Variants in SRRM3 observed in about 807,000 individuals in gnomAD.
SRRM3 encodes the protein serine/arginine repetitive matrix 3, also known as serine/arginine repetitive matrix protein 3.
In SRRM3, 27 loss-of-function variants were observed where a neutral mutation model predicts 66.2. The ratio of observed to expected loss-of-function variants is 0.41; its 90% CI spans 0.30 to 0.56. The LOEUF (loss-of-function observed/expected upper bound fraction) is 0.56, where lower values mean the gene tolerates loss of function less well. SRRM3 is among the 20% of genes least tolerant of loss of function. SRRM3 has a pLI of 0.32. For synonymous variants in SRRM3, 391 were observed against 414.9 expected (o/e 0.94, Z 0.70); for missense variants, 918 against 991.9 (o/e 0.93, Z 1.00).
chr7:76,225,642 G>A (rs1283783651), intron 1 of SRRM3, among the ~76,000 whole-genome samples: 1 of 152,148 alleles, frequency 6.6e-6, no homozygotes, highest in African/African-American at 2.4e-5. Context: ...AGTGCTCTGG[G>A]AAGCCAAGGC....
chr7:76,282,163 G>A (rs888908269), intron 12 of SRRM3, among the ~76,000 whole-genome samples: 1 of 149,364 alleles, frequency 6.7e-6, no homozygotes, highest in Non-Finnish European at 1.5e-5. Flanking sequence ...ACTCTCTCTA[G>A]GGAGTTACCC....
intron 11 of SRRM3, among the ~76,000 whole-genome samples, chr7:76,276,158 G>C (rs1419896718): frequency 1.3e-5 from 2 of 152,034 alleles, no homozygotes; most frequent in Admixed American, 6.6e-5. Context: ...GAGAGGAGGG[G>C]CTCCTGGGAA....
intron 1 of SRRM3, among the ~76,000 whole-genome samples, chr7:76,212,331 A>AT (rs1364988008): frequency 2.2e-5 from 3 of 139,002 alleles, no homozygotes; most frequent in African/African-American, 2.7e-5. Context: ...CTAATTTTGT[A>AT]TTTTTTTTAA....
chr7:76,251,397 C>T (rs1448649696), intron 3 of SRRM3, among the ~76,000 whole-genome samples: 5 of 146,588 alleles, frequency 3.4e-5, no homozygotes, highest in African/African-American at 1.0e-4. Context: ...TTTTTTGAGA[C>T]GGAGTCTCGC....
intron 1 of SRRM3, among the ~76,000 whole-genome samples, chr7:76,232,738 G>A (rs782653986): frequency 1.3e-5 from 2 of 152,152 alleles, no homozygotes; most frequent in Non-Finnish European, 2.9e-5. Flanking sequence ...TGTGTGGTGC[G>A]GAGTGGTGGA....
In SRRM3 at chr7:76,248,304, G is replaced by T; in HGVS notation, c.335+15G>T. 6.3e-7 allele frequency: 1 copy of T among 1,598,960 alleles called. No individual in the cohort carries two copies. The highest frequency in any genetic ancestry group is 8.6e-7 in the Non-Finnish European group (1 of 1,167,546). Reference sequence around the variant, plus strand: ...GGGGGCCACATGTGAGTGCTTACCTGTGTGGGGATGAGGGAGAGGGGGTGC... The same window carrying T: ...GGGGGCCACATGTGAGTGCTTACCTTTGTGGGGATGAGGGAGAGGGGGTGC... On this transcript the variant is annotated intron_variant, in intron 3 of 14. Transcript: ENST00000611745.
chr7:76,266,396 A>G (rs1340952601), intron 10 of SRRM3, among the ~76,000 whole-genome samples: 1 of 113,722 alleles, frequency 8.8e-6, no homozygotes, highest in East Asian at 2.3e-4. Flanking sequence ...ATATATTTAT[A>G]TATTTTAATT....
At chr7:76,230,196 C>T (rs1280215525) in intron 1 of SRRM3, among the ~76,000 whole-genome samples, 1 of 152,184 alleles carries the variant, frequency 6.6e-6, no homozygotes, top group Non-Finnish European at 1.5e-5. Context: ...CATATTGGAT[C>T]AGATGTGGTG....
At chr7:76,243,669 G>A (rs1052613783) in intron 2 of SRRM3, among the ~76,000 whole-genome samples, 1 of 152,228 alleles carries the variant, frequency 6.6e-6, no homozygotes, top group Admixed American at 6.5e-5. Flanking sequence ...CCCCCTGCCA[G>A]CCCCCCACAA....
chr7:76,241,763 CA>C (rs1178643411), intron 2 of SRRM3, among the ~76,000 whole-genome samples: 1 of 152,190 alleles, frequency 6.6e-6, no homozygotes, highest in African/African-American at 2.4e-5. Flanking sequence ...CTTGGCCTCC[CA>C]AAGTGCTGGG....
At chr7:76,215,405 T>TG (rs1563607933) in intron 1 of SRRM3, among the ~76,000 whole-genome samples, 1 of 146,036 alleles carries the variant, frequency 6.8e-6, no homozygotes, top group Non-Finnish European at 1.5e-5. Context: ...TTTTTTTTTT[T>TG]TTTTTTTTTT....
At chr7:76,216,607 G>C (rs1800576790) in intron 1 of SRRM3, among the ~76,000 whole-genome samples, 1 of 152,208 alleles carries the variant, frequency 6.6e-6, no homozygotes, top group Non-Finnish European at 1.5e-5. Flanking sequence ...ATACAAATGT[G>C]AGGAGAGAGA....
chr7:76,274,332 GC>G lies in SRRM3; in HGVS notation c.1008+6898del, dbSNP rs782187676. ...GTGGGAGCTGCAGGGCTCTGGAGGA[GC>G]AACGGGCACCAGGACTGAGCTTCCA... is the stretch of plus-strand genomic sequence containing the variant. On this transcript the variant is annotated intron_variant, in intron 11 of 14. Coordinates refer to ENST00000611745, the MANE Select transcript of SRRM3 (RefSeq NM_001110199.3). 1.1e-4 allele frequency among the ~76,000 whole-genome samples: 17 copies of G among 152,372 alleles called. No individual in the cohort carries two copies. The East Asian group carries it at 2.9e-3, about 26-fold the overall frequency.
At chr7:76,210,618 G>C (rs782518030) in intron 1 of SRRM3, among the ~76,000 whole-genome samples, 8 of 152,162 alleles carry the variant, frequency 5.3e-5, no homozygotes, top group Admixed American at 1.3e-4. Flanking sequence ...GCACACACCT[G>C]TGGTCCTAGA....
rs28488338 is a variant in SRRM3, at chr7:76,261,591, G to T, written c.674+10G>T. 4,155 of 1,609,882 alleles carry T rather than the reference G, an allele frequency of 2.6e-3. 90 individuals are homozygous for T. In the African/African-American group the frequency reaches 0.046, roughly 18 times the overall value. On this transcript the variant is annotated intron_variant, in intron 8 of 14. Transcript: ENST00000611745. The stretch of plus-strand genomic sequence containing the variant: ...GGAAGAGACGGCACAGGTGAGCGGC[G>T]CTTTGCAGAGGACATGGTCAGTGGT...
intron 3 of SRRM3, among the ~76,000 whole-genome samples, chr7:76,253,787 CAAAAAAAAAAA>C (rs782083114): frequency 1.5e-5 from 1 of 64,788 alleles, no homozygotes; most frequent in Non-Finnish European, 3.2e-5. Context: ...AACTCTGTTT[CAAAAAAAAAAA>C]AAAAAAAAAA....
intron 11 of SRRM3, among the ~76,000 whole-genome samples, chr7:76,279,782 T>C (rs1333459768): frequency 1.3e-5 from 2 of 152,118 alleles, no homozygotes; most frequent in African/African-American, 4.8e-5. Flanking sequence ...CCAGATGCCC[T>C]TCCTGGTTTT....
At chr7:76,226,352 G>A (rs1800863815) in intron 1 of SRRM3, among the ~76,000 whole-genome samples, 1 of 152,172 alleles carries the variant, frequency 6.6e-6, no homozygotes, top group African/African-American at 2.4e-5. Flanking sequence ...ACCACTTCCT[G>A]GCTTGTAGAA....
At chr7:76,236,545 G>A (rs1441128417) in intron 2 of SRRM3, among the ~76,000 whole-genome samples, 1 of 152,148 alleles carries the variant, frequency 6.6e-6, no homozygotes, top group East Asian at 1.9e-4. Flanking sequence ...GGCCTCCTGG[G>A]CTCCCTTAGA....
Sources: gnomAD v4.1 joint callset for allele counts (sites outside exome capture counted in the v4.1 genomes callset) on GRCh38, gnomAD v4.1.1 for gene constraint, MANE v1.5 for transcripts, NCBI Gene and HGNC (gene_info 2026-07-23, HGNC 2026-07-21) for gene names.